PTPRT: variants seen among roughly 807,000 people sequenced by gnomAD.
PTPRT encodes receptor-type tyrosine-protein phosphatase T.
A neutral mutation model predicts 176.8 loss-of-function variants in PTPRT; 56 were observed. The ratio of observed to expected loss-of-function variants is 0.32; its 90% CI spans 0.26 to 0.40. The LOEUF (loss-of-function observed/expected upper bound fraction) is 0.40, where lower values mean the gene tolerates loss of function less well. PTPRT is among the 10% of genes least tolerant of loss of function. PTPRT has a pLI of 1.00. For synonymous variants in PTPRT, 783 were observed against 739.0 expected, an observed-to-expected ratio of 1.06 and a Z score of -0.96; for missense variants, 1,540 against 1,908.2, an observed-to-expected ratio of 0.81 and a Z score of 3.60.
chr20:42,543,583 T>G (rs2145587310), intron 7 of PTPRT, among the ~76,000 whole-genome samples: 1 of 152,110 alleles, frequency 6.6e-6, no homozygotes, highest in Admixed American at 6.6e-5. Flanking sequence ...CTGTTATTAT[T>G]AATATCTTGA....
intron 2 of PTPRT, among the ~76,000 whole-genome samples, chr20:42,794,631 G>A (rs546023183): frequency 6.6e-6 from 1 of 152,328 alleles, no homozygotes; most frequent in East Asian, 1.9e-4. Context: ...CCTATTAGGA[G>A]CACTCATCTT....
intron 2 of PTPRT, among the ~76,000 whole-genome samples, chr20:42,885,220 A>G (rs2079083314): frequency 1.4e-5 from 2 of 147,304 alleles, no homozygotes; most frequent in Admixed American, 6.8e-5. Context: ...CTAAATATAT[A>G]TATAAATTAT....
the PTPRT span, among the ~76,000 whole-genome samples, chr20:42,051,372 G>A: frequency 6.6e-6 from 1 of 152,190 alleles, no homozygotes; most frequent in Non-Finnish European, 1.5e-5. Context: ...TATTTGCGTG[G>A]TGACCCCAGG....
At chr20:42,182,817 G>A (rs1444786430) in intron 16 of PTPRT, among the ~76,000 whole-genome samples, 1 of 152,026 alleles carries the variant, frequency 6.6e-6, no homozygotes, top group Non-Finnish European at 1.5e-5. Flanking sequence ...AGAATGGAAT[G>A]CCGTAGAACA....
intron 7 of PTPRT, among the ~76,000 whole-genome samples, chr20:42,508,947 T>A (rs1457588545): frequency 5.6e-5 from 8 of 141,898 alleles, no homozygotes; most frequent in Non-Finnish European, 9.2e-5. Context: ...ATAAATATAA[T>A]TTATATTTAA....
intron 11 of PTPRT, among the ~76,000 whole-genome samples, chr20:42,331,595 T>C (rs1204562748): frequency 1.3e-5 from 2 of 152,192 alleles, no homozygotes; most frequent in African/African-American, 4.8e-5. Context: ...ATAACACCAG[T>C]TGAAATATTC....
At chr20:42,777,927 G>C (rs143863924) in intron 4 of PTPRT, among the ~76,000 whole-genome samples, 3 of 152,264 alleles carry the variant, frequency 2.0e-5, no homozygotes, top group African/African-American at 7.2e-5. Context: ...GGAAGTTTAT[G>C]CTTAAGCTGC....
chr20:43,008,936 T>G (rs771522790), intron 1 of PTPRT, among the ~76,000 whole-genome samples: 3 of 152,168 alleles, frequency 2.0e-5, no homozygotes, highest in Non-Finnish European at 4.4e-5. Context: ...CAAGCACCTC[T>G]CAGGTGGGTT....
intron 7 of PTPRT, among the ~76,000 whole-genome samples, chr20:42,541,947 T>A (rs1016967445): frequency 1.3e-5 from 2 of 152,140 alleles, no homozygotes; most frequent in Non-Finnish European, 1.5e-5. Context: ...GCTCCCATAA[T>A]CCCCATGTGT....
intron 1 of PTPRT, among the ~76,000 whole-genome samples, chr20:43,021,948 C>G (rs1408309061): frequency 2.0e-5 from 3 of 152,102 alleles, no homozygotes; most frequent in Non-Finnish European, 4.4e-5. Context: ...CCTGTTCCAG[C>G]CAGGACAGAA....
intron 1 of PTPRT, among the ~76,000 whole-genome samples, chr20:43,092,815 G>C (rs765904825): frequency 6.6e-6 from 1 of 152,210 alleles, no homozygotes; most frequent in Non-Finnish European, 1.5e-5. Context: ...TAATAGACAT[G>C]AGACTGACGA....
intron 7 of PTPRT, among the ~76,000 whole-genome samples, chr20:42,587,008 T>C (rs1215060132): frequency 6.6e-6 from 1 of 152,140 alleles, no homozygotes; most frequent in East Asian, 1.9e-4. Flanking sequence ...GCTGGGTCCC[T>C]GTAAGCTTAG....
intron 6 of PTPRT, among the ~76,000 whole-genome samples, chr20:42,685,069 G>T (rs1030606581): frequency 2.6e-5 from 4 of 152,064 alleles, no homozygotes. Flanking sequence ...ACATGCCCGG[G>T]GTCTGCACTC....
At chr20:42,437,851 T>C (rs1330677733) in intron 9 of PTPRT, among the ~76,000 whole-genome samples, 2 of 152,220 alleles carry the variant, frequency 1.3e-5, no homozygotes, top group African/African-American at 4.8e-5. Flanking sequence ...ACATTTTTCA[T>C]TTTGTTCTGA....
At chr20:42,328,800 A>G (rs2057922424) in intron 11 of PTPRT, among the ~76,000 whole-genome samples, 1 of 152,190 alleles carries the variant, frequency 6.6e-6, no homozygotes, top group Non-Finnish European at 1.5e-5. Context: ...AGCTCTACCC[A>G]AAGCAACAAA....
In PTPRT at chr20:43,059,993, TA is replaced by T. The variant is rs560671621; in HGVS notation, c.88+129652del. On this transcript the variant is annotated intron_variant, in intron 1 of 30. Coordinates refer to ENST00000373187, the MANE Select transcript of PTPRT (RefSeq NM_007050.6). ...TTCTGAGACAGAGTGAGACTTTGTC[TA>T]AAAAAAAAAAAATACATTATTTTAT... 5.4e-3 allele frequency among the ~76,000 whole-genome samples: 775 copies of T among 143,736 alleles called. 3 individuals are homozygous for T. Among genetic ancestry groups the T allele is most frequent in the Admixed American group, 4.8e-3 (69 of 14,480 alleles). The allele number at this position is 143,736 out of a possible 152,430, so 94.3% of individuals were successfully genotyped here. A position where few individuals can be genotyped will look rare whatever the true frequency, so the allele number is the denominator to read the frequency against.
chr20:43,168,943 C>A (rs1354582203), intron 1 of PTPRT, among the ~76,000 whole-genome samples: 1 of 152,154 alleles, frequency 6.6e-6, no homozygotes, highest in Non-Finnish European at 1.5e-5. Flanking sequence ...CATGCTAACC[C>A]CCACAGCAGA....
chr20:42,215,992 G>C lies in PTPRT; in HGVS notation c.2343-16604C>G, dbSNP rs141491863. On this transcript the variant is annotated intron_variant, in intron 15 of 30. Coordinates refer to ENST00000373187, the MANE Select transcript of PTPRT (RefSeq NM_007050.6). The stretch of plus-strand genomic sequence containing the variant: ...CTATATCCCAACAAAGCCTGTATGT[G>C]GATAGATGATGACCATGAATTCTTC... Among the ~76,000 whole-genome samples the C allele has an allele frequency of 2.4e-4, 37 of 152,322 alleles. No homozygotes were observed. The East Asian group carries it at 6.9e-3, about 29-fold the overall frequency.
At chr20:42,473,829 C>A (rs148323441) in intron 7 of PTPRT, among the ~76,000 whole-genome samples, 1 of 152,048 alleles carries the variant, frequency 6.6e-6, no homozygotes, top group Non-Finnish European at 1.5e-5. Flanking sequence ...GATAGATACA[C>A]CCAGAAATTC....
Sources: allele counts gnomAD v4.1 joint callset (sites outside exome capture counted in the v4.1 genomes callset), GRCh38; gene constraint gnomAD v4.1.1; transcripts MANE v1.5; gene names NCBI Gene and HGNC (gene_info 2026-07-23, HGNC 2026-07-21).